Variants in PICK1 observed in about 807,000 individuals in gnomAD.
The protein encoded by PICK1 is PRKCA-binding protein.
Under a neutral mutation model 48.9 loss-of-function variants are expected in PICK1, and 23 were observed. The ratio of observed to expected loss-of-function variants is 0.47; its 90% CI spans 0.34 to 0.67. The LOEUF is 0.67. Among genes scored for constraint, PICK1 ranks in the 30% least tolerant of loss-of-function variants. The pLI is 0.01. For synonymous variants in PICK1, 217 were observed against 228.2 expected (o/e 0.95, Z 0.44); for missense variants, 423 against 557.1 (o/e 0.76, Z 2.42).
At chr22:38,069,843 C>T (rs1049565342) in intron 6 of PICK1, among the ~76,000 whole-genome samples, 1 of 152,176 alleles carries the variant, frequency 6.6e-6, no homozygotes, top group Admixed American at 6.5e-5. Flanking sequence ...AGTTACCAGC[C>T]GTTGAGATGA....
intron 2 of PICK1, chr22:38,058,134 C>T (rs554057994): frequency 3.9e-6 from 2 of 506,814 alleles, no homozygotes; most frequent in African/African-American, 3.8e-5. Context: ...TCAAGGAAAG[C>T]TTCATGGAGG....
At chr22:38,072,400 T>C in intron 8 of PICK1, 77 bp from the exon 9 acceptor site, 1 of 1,566,666 alleles carries the variant, frequency 6.4e-7, no homozygotes, top group Non-Finnish European at 8.7e-7. Flanking sequence ...CCCCCTGCCC[T>C]GCTTCTCCCC....
chr22:38,070,847 T>C lies in PICK1; in HGVS notation c.449T>C (p.Val150Ala). 6.2e-7 allele frequency: 1 copy of C among 1,613,972 alleles called. No homozygotes were observed. Among genetic ancestry groups the C allele is most frequent in the Non-Finnish European group, 8.5e-7 (1 of 1,179,994 alleles). Residue 150 changes from valine to alanine, a missense_variant, in exon 7 of 13, where the codon GTC (valine) becomes GCC (alanine). Physicochemically the swap from Val to Ala is moderately conservative, Grantham distance 64 (BLOSUM62 0). Around this residue, in one of 2 missense-constraint regions of PICK1, gnomAD observed 279 missense variants for 417.8 expected, o/e 0.67. Coordinates refer to ENST00000356976, the MANE Select transcript of PICK1 (RefSeq NM_012407.4). ...SRAILCNDGL[V>A]KRLEELERTA... ...CTTTGAATCCCGACAGATGGGCTTG[T>C]CAAGAGGCTAGAGGAGCTGGAGCGG...
At chr22:38,063,359 A>C (rs2085452309) in intron 3 of PICK1, among the ~76,000 whole-genome samples, 1 of 151,676 alleles carries the variant, frequency 6.6e-6, no homozygotes, top group South Asian at 2.1e-4. Context: ...GAGTTTTGCC[A>C]TATTGCCCAG....
rs1000857052 is a variant in PICK1 at position 38,074,408 on chromosome 22, C to G, written c.936C>G (p.Arg312=). 1.2e-6 allele frequency: 2 copies of G among 1,613,140 alleles called. No individual in the cohort carries two copies. Among genetic ancestry groups the G allele is most frequent in the South Asian group, 2.2e-5 (2 of 91,088 alleles). Reference sequence around the variant, plus strand: ...CGCGCGCCCGCTTCTCCCAGATGCGCAAGGATGTGCTGGAGAAGATGGAGC... The same window carrying G: ...CGCGCGCCCGCTTCTCCCAGATGCGGAAGGATGTGCTGGAGAAGATGGAGC... ...QEARARFSQM[R]KDVLEKMELL... is the part of the protein sequence containing the mutation. The change falls in exon 12 of 13, where the codon CGC becomes CGG. Residue 312 remains arginine (R), a synonymous_variant. Coordinates refer to ENST00000356976, the MANE Select transcript of PICK1 (RefSeq NM_012407.4). The surrounding 1 kb of genome is among the most constrained non-coding windows in gnomAD (Gnocchi z 4.5).
At chr22:38,069,430 C>G (rs778058061) in intron 6 of PICK1, among the ~76,000 whole-genome samples, 1 of 152,340 alleles carries the variant, frequency 6.6e-6, no homozygotes, top group East Asian at 1.9e-4. Flanking sequence ...AGCACTCTCG[C>G]GGCCCACCTC....
intron 4 of PICK1, among the ~76,000 whole-genome samples, chr22:38,065,591 C>T (rs1030487426): frequency 6.6e-6 from 1 of 152,138 alleles, no homozygotes; most frequent in Non-Finnish European, 1.5e-5. Flanking sequence ...CTTTCGGTCC[C>T]ACACAGCCTC....
rs2085494229 is a variant in PICK1, at chr22:38,065,120, A to G, written c.272A>G (p.Gln91Arg). ...KTKVEVAKMIQEVKGEVTIHY... is the reference protein window; with the variant it reads ...KTKVEVAKMIREVKGEVTIHY... Reference sequence around the variant, plus strand: ...AAGGTGGAGGTGGCGAAGATGATTCAGGAGGTGAAGGTAAGGGCTGCTGCA... The same window carrying G: ...AAGGTGGAGGTGGCGAAGATGATTCGGGAGGTGAAGGTAAGGGCTGCTGCA... Residue 91 changes from glutamine (Q) to arginine (R), a missense_variant, in exon 4 of 13, where the codon CAG (glutamine) becomes CGG (arginine). Gln to Arg is a conservative substitution (Grantham distance 43). This residue lies in a region of PICK1 where 279 missense variants were observed against 417.8 expected (regional missense o/e 0.67). Transcript: ENST00000356976. 6.2e-7 allele frequency: 1 copy of G among 1,613,868 alleles called. No homozygotes were observed. The highest frequency in any genetic ancestry group is 8.5e-7 in the Non-Finnish European group (1 of 1,179,864).
In PICK1 at chr22:38,075,383, T is replaced by C. The variant is rs903083299; in HGVS notation, c.*251T>C. 4.4e-5 allele frequency: 23 copies of C among 527,728 alleles called. No homozygotes were observed. The highest frequency in any genetic ancestry group is 6.4e-5 in the Non-Finnish European group (19 of 296,690). 32.7% of individuals were successfully genotyped at this position (527,728 alleles called of 1,614,324 possible). ...CCGGCTCCCCGGCCAGAGGGAGAGC[T>C]TGGTCTCTGGACCTGCCTTAGGAAG... On this transcript the variant is annotated 3_prime_UTR_variant, in exon 13 of 13. Transcript: ENST00000356976.
Position 38,074,338 on chromosome 22 carries a change from C to T in PICK1, c.866C>T (p.Thr289Ile), listed in dbSNP as rs1165286735. 2 of 1,612,800 alleles carry T rather than the reference C, an allele frequency of 1.2e-6. No individual in the cohort carries two copies. Among genetic ancestry groups the T allele is most frequent in the East Asian group, 2.2e-5 (1 of 44,872 alleles). The change falls in exon 12 of 13, where the codon ACC becomes ATC. Residue 289 changes from threonine (T) to isoleucine (I), a missense_variant. Physicochemically the swap from Thr to Ile is moderately conservative, Grantham distance 89. Coordinates refer to ENST00000356976, the MANE Select transcript of PICK1 (RefSeq NM_012407.4). This position sits in a 1 kb window ranked among gnomAD's most constrained non-coding sequence, Gnocchi z 4.5. ...ALGEPLYRVS[T>I]GNYEYRLILR... ...GGCGAGCCCCTTTACCGGGTGAGCA[C>T]CGGCAACTATGAGTACCGCCTGATC...
At chr22:38,070,961 CA>C (rs2085665056) in intron 7 of PICK1, 70 bp downstream of exon 7, 2 of 1,282,026 alleles carry the variant, frequency 1.6e-6, no homozygotes, top group South Asian at 2.4e-5. Flanking sequence ...AGAGTGGCAA[CA>C]GGGGTGCTGG....
chr22:38,059,090 G>A (rs969178458), intron 2 of PICK1, 144 bp from the exon 3 acceptor site: 3 of 684,044 alleles, frequency 4.4e-6, no homozygotes, highest in Non-Finnish European at 8.1e-6. Context: ...AGCTGTGCAT[G>A]TTCCAGCACA....
At position 38,067,125 on chromosome 22, in the gene PICK1, T is replaced by G. The variant is rs1033076533; in HGVS notation, c.283-579T>G. On this transcript the variant is annotated intron_variant, in intron 4 of 12. Transcript: ENST00000356976. ...GCGTGGGGAGGGAAGAAGGAGAGCCTGACCTGGCCGAAGCACAAGACATCA... is the reference window on the plus strand; with the variant it reads ...GCGTGGGGAGGGAAGAAGGAGAGCCGGACCTGGCCGAAGCACAAGACATCA... Among the ~76,000 whole-genome samples the G allele has an allele frequency of 3.3e-5, 5 of 152,118 alleles. No individual in the cohort carries two copies. In the East Asian group the frequency reaches 9.7e-4, roughly 29 times the overall value.
rs146873651 is a variant in PICK1, at chr22:38,072,925, C to T, written c.691-75C>T. On this transcript the variant is annotated intron_variant, in intron 9 of 12. Transcript: ENST00000356976. ...TAGTCGAGTCCACCAACAAGGGTGA[C>T]GCATCAGTGCCATTCATTGTCACCC... is the stretch of plus-strand genomic sequence containing the variant. The T allele has an allele frequency of 1.2e-4, 119 of 970,218 alleles. No homozygotes were observed. The East Asian group carries it at 1.7e-3, about 14-fold the overall frequency. The allele number at this position is 970,218 out of a possible 1,614,324, so 60.1% of individuals were successfully genotyped here.
chr22:38,064,390 T>C (rs2085475133), intron 3 of PICK1, among the ~76,000 whole-genome samples: 1 of 152,194 alleles, frequency 6.6e-6, no homozygotes, highest in African/African-American at 2.4e-5. Flanking sequence ...TGTTAAGTAG[T>C]GTCAACTTCA....
chr22:38,071,336 C>T lies in PICK1; in HGVS notation c.494-346C>T, dbSNP rs533133138. On this transcript the variant is annotated intron_variant, in intron 7 of 12. Transcript: ENST00000356976. ...TCTAGTCTGGGCAATAGAGCAAGAC[C>T]CTATCTCAAAAAAAACAAAACCTGA... Among the ~76,000 whole-genome samples, 3 of 152,198 alleles carry T rather than the reference C, an allele frequency of 2.0e-5. No homozygotes were observed. The East Asian group carries it at 5.8e-4, about 29-fold the overall frequency.
chr22:38,074,333 G>T lies in PICK1; in HGVS notation c.861G>T (p.Val287=), dbSNP rs773891005. 26 of 1,612,730 alleles carry T rather than the reference G, an allele frequency of 1.6e-5. No individual in the cohort carries two copies. In the South Asian group the frequency reaches 2.7e-4, roughly 17 times the overall value. Residue 287 remains valine, a synonymous_variant, in exon 12 of 13, where the codon GTG becomes GTT. Transcript: ENST00000356976. This position sits in a 1 kb window ranked among gnomAD's most constrained non-coding sequence, Gnocchi z 4.5. ...CCCTAGGCGAGCCCCTTTACCGGGTGAGCACCGGCAACTATGAGTACCGCC... is the reference window on the plus strand; with the variant it reads ...CCCTAGGCGAGCCCCTTTACCGGGTTAGCACCGGCAACTATGAGTACCGCC... ...CIALGEPLYR[V]STGNYEYRLI...
chr22:38,065,616 AC>A (rs2085505952), intron 4 of PICK1, among the ~76,000 whole-genome samples: 1 of 151,996 alleles, frequency 6.6e-6, no homozygotes, highest in Admixed American at 6.5e-5. Flanking sequence ...GCTCATAGAC[AC>A]CCAGAGACCC....
At position 38,064,997 on chromosome 22, in the gene PICK1, C is replaced by T; in HGVS notation, c.154-5C>T. The T allele has an allele frequency of 6.2e-7, 1 of 1,613,998 alleles. No individual in the cohort carries two copies. The highest frequency in any genetic ancestry group is 8.5e-7 in the Non-Finnish European group (1 of 1,179,944). On this transcript the variant is annotated splice_region_variant and splice_polypyrimidine_tract_variant and intron_variant, in intron 3 of 12. Transcript: ENST00000356976. ...TCCCCCACCACTCTCCTTATGCACCCACAGGTATTTGACAACACCCCAGCA... is the reference window on the plus strand; with the variant it reads ...TCCCCCACCACTCTCCTTATGCACCTACAGGTATTTGACAACACCCCAGCA...
Sources: allele counts gnomAD v4.1 joint callset (sites outside exome capture counted in the v4.1 genomes callset), GRCh38; gene constraint gnomAD v4.1.1; regional missense constraint gnomAD v4.1.1; non-coding constraint Gnocchi (gnomAD v3.1); transcripts MANE v1.5; gene names NCBI Gene and HGNC (gene_info 2026-07-23, HGNC 2026-07-21).